The following EXD3 variants were observed in gnomAD, a reference collection of about 807,000 sequenced individuals.
EXD3 encodes the protein exonuclease 3'-5' domain containing 3, also known as exonuclease mut-7 homolog.
EXD3 carries 92 observed loss-of-function variants against 98.0 expected under a neutral mutation model. The ratio of observed to expected loss-of-function variants is 0.94; its 90% CI spans 0.79 to 1.12. EXD3 has a LOEUF of 1.12. Ranked by LOEUF, EXD3 falls within the 50% of genes most tolerant of loss-of-function variation. EXD3 has a pLI of 0.00. For missense variants in EXD3, 1,222 were observed against 1,191.6 expected (o/e 1.03, Z -0.38); for synonymous variants, 569 against 526.0 (o/e 1.08, Z -1.12).
Position 137,337,888 on chromosome 9 carries a change from T to C in EXD3, c.1998+10183A>G, listed in dbSNP as rs185847869. On this transcript the variant is annotated intron_variant, in intron 17 of 21. Coordinates refer to ENST00000340951, the MANE Select transcript of EXD3 (RefSeq NM_017820.5). ...CTGCAAGCTCCACCTCCCGGGTTCA[T>C]GCCATTCTCCTGCCTCAGCCTCCCG... Among the ~76,000 whole-genome samples the C allele has an allele frequency of 7.3e-3, 1,108 of 151,810 alleles. 12 individuals are homozygous for C. Among genetic ancestry groups the C allele is most frequent in the African/African-American group, 0.024 (989 of 41,432 alleles).
Position 137,306,917 on chromosome 9 carries a change from C to A in EXD3, c.*33G>T, listed in dbSNP as rs372339289. On this transcript the variant is annotated 3_prime_UTR_variant, in exon 22 of 22. Transcript: ENST00000340951. The stretch of plus-strand genomic sequence containing the variant: ...AGTCCACGGCCATGGGCCCAGCAGT[C>A]GGGCACTTTCCATGTTTATTGTCTG... The A allele has an allele frequency of 6.2e-5, 95 of 1,530,002 alleles. No homozygotes were observed. The highest frequency in any genetic ancestry group is 7.7e-5 in the Non-Finnish European group (88 of 1,138,292). The allele number at this position is 1,530,002 out of a possible 1,614,324, so 94.8% of individuals were successfully genotyped here.
rs555595417 is a variant in EXD3 at position 137,376,141 on chromosome 9, G to A, written c.121-2542C>T. On this transcript the variant is annotated intron_variant, in intron 3 of 21. Transcript: ENST00000340951. ...GGGCAGATCACGAGGTCAGGAGATAGAGACCAGCCTGGCTAACACAGTGAA... is the reference window on the plus strand; with the variant it reads ...GGGCAGATCACGAGGTCAGGAGATAAAGACCAGCCTGGCTAACACAGTGAA... Among the ~76,000 whole-genome samples the A allele has an allele frequency of 6.6e-5, 10 of 151,958 alleles. No homozygotes were observed. The South Asian group carries it at 1.7e-3, about 25-fold the overall frequency.
rs1371151510 is a variant in EXD3, at chr9:137,324,145, TGTG to T, written c.1999-5_1999-3del. ...GATCCTCCCCTCCTGCCTGGCAACCTGTGTGGGAGGTGCGACCAGCACATAAAG... is the reference window on the plus strand; with the variant it reads ...GATCCTCCCCTCCTGCCTGGCAACCTTGGGAGGTGCGACCAGCACATAAAG... On this transcript the variant is annotated splice_polypyrimidine_tract_variant and splice_region_variant and intron_variant, in intron 17 of 21. Coordinates refer to ENST00000340951, the MANE Select transcript of EXD3 (RefSeq NM_017820.5). This position sits in a 1 kb window ranked among gnomAD's most constrained non-coding sequence, Gnocchi z 4.1. The T allele has an allele frequency of 1.3e-6, 2 of 1,575,788 alleles. No homozygotes were observed. Among genetic ancestry groups the T allele is most frequent in the Non-Finnish European group, 8.6e-7 (1 of 1,161,328 alleles).
At position 137,374,446 on chromosome 9, in the gene EXD3, G is replaced by T. The variant is rs573032274; in HGVS notation, c.121-847C>A. 2.5e-3 allele frequency: 1,331 copies of T among 531,084 alleles called. 3 individuals are homozygous for T. Among genetic ancestry groups the T allele is most frequent in the South Asian group, 7.8e-3 (95 of 12,208 alleles). The allele number at this position is 531,084 out of a possible 1,614,324, so 32.9% of individuals were successfully genotyped here. On this transcript the variant is annotated intron_variant, in intron 3 of 21. Transcript: ENST00000340951. Reference sequence around the variant, plus strand: ...GCCGCGCTGTTCTCGTCCCTGCGATGTGGATGGTGTGCTCTCCACGGGGCT... The same window carrying T: ...GCCGCGCTGTTCTCGTCCCTGCGATTTGGATGGTGTGCTCTCCACGGGGCT...
Position 137,419,962 on chromosome 9 carries a change from A to C in EXD3, c.-48+3152T>G, listed in dbSNP as rs1024004028. Reference sequence around the variant, plus strand: ...ATCACGAGGTCAGGAGATCGAGACCATCCTGGCTAATACGGTGAAACCCCA... The same window carrying C: ...ATCACGAGGTCAGGAGATCGAGACCCTCCTGGCTAATACGGTGAAACCCCA... On this transcript the variant is annotated intron_variant, in intron 1 of 21. Coordinates refer to ENST00000340951, the MANE Select transcript of EXD3 (RefSeq NM_017820.5). Among the ~76,000 whole-genome samples, 6 of 152,264 alleles carry C rather than the reference A, an allele frequency of 3.9e-5. No homozygotes were observed. In the East Asian group the frequency reaches 7.7e-4, roughly 20 times the overall value.
intron 17 of EXD3, among the ~76,000 whole-genome samples, chr9:137,331,359 T>TCTCACCCTCCCACA (rs1215126021): frequency 1.3e-5 from 2 of 151,748 alleles, no homozygotes; most frequent in Non-Finnish European, 2.9e-5. Flanking sequence ...AAGGATGCCC[T>TCTCACCCTCCCACA]CTCACCCTCC....
chr9:137,325,383 G>A, intron 17 of EXD3, among the ~76,000 whole-genome samples: 1 of 152,190 alleles, frequency 6.6e-6, no homozygotes. Context: ...GTGCGGAGGA[G>A]GACACGGGAC....
At chr9:137,391,519 G>A (rs1025628267) in intron 2 of EXD3, among the ~76,000 whole-genome samples, 1 of 152,132 alleles carries the variant, frequency 6.6e-6, no homozygotes, top group Non-Finnish European at 1.5e-5. Context: ...AACCCAGGCC[G>A]GCAGGCTTCC....
intron 8 of EXD3, among the ~76,000 whole-genome samples, chr9:137,355,728 A>AGGAGGAAGGAGGAAGGAGGAAGGAGAAAG (rs1312685212): frequency 1.5e-4 from 20 of 132,494 alleles, no homozygotes; most frequent in South Asian, 2.3e-4. Flanking sequence ...GGAAGGAGGA[A>AGGAGGAAGGAGGAAGGAGGAAGGAGAAAG]GGAGGACCTA....
intron 19 of EXD3, 54 bp downstream of exon 19, chr9:137,323,671 C>G (rs968413383): frequency 3.1e-6 from 5 of 1,591,372 alleles, no homozygotes; most frequent in Non-Finnish European, 3.4e-6. Context: ...TGGACACCCC[C>G]GTAGCTCCAG....
chr9:137,323,780 A>G lies in EXD3; in HGVS notation c.2129T>C (p.Val710Ala), dbSNP rs1832226116. ...SLKAQQQAKA[V>A]LKHFNVRVTH... ...GACACGCACGTTGAAATGCTTGAGCACAGCCTTGGCCTGCTGCTGGGCCTT... is the reference window on the plus strand; with the variant it reads ...GACACGCACGTTGAAATGCTTGAGCGCAGCCTTGGCCTGCTGCTGGGCCTT... The change falls in exon 19 of 22, where the codon GTG becomes GCG. Residue 710 changes from valine to alanine, a missense_variant. Coordinates refer to ENST00000340951, the MANE Select transcript of EXD3 (RefSeq NM_017820.5). 3.1e-6 allele frequency: 5 copies of G among 1,612,238 alleles called. No individual in the cohort carries two copies. The highest frequency in any genetic ancestry group is 1.7e-5 in the Admixed American group (1 of 59,992).
intron 19 of EXD3, among the ~76,000 whole-genome samples, chr9:137,313,689 T>C (rs1376464176): frequency 2.6e-5 from 4 of 151,284 alleles, no homozygotes; most frequent in Non-Finnish European, 1.5e-5. Flanking sequence ...CCTGCAGGAG[T>C]TGCCAACCTG....
intron 1 of EXD3, among the ~76,000 whole-genome samples, chr9:137,406,996 G>C (rs528140422): frequency 6.6e-6 from 1 of 152,080 alleles, no homozygotes; most frequent in Non-Finnish European, 1.5e-5. Context: ...TCCTGTGACC[G>C]GGAAGGCCCC....
chr9:137,315,392 C>G (rs118099574), intron 19 of EXD3, among the ~76,000 whole-genome samples: 2 of 152,222 alleles, frequency 1.3e-5, no homozygotes, highest in African/African-American at 4.8e-5. Flanking sequence ...CCGCCACCGC[C>G]GGAGAGACCA....
chr9:137,399,827 C>G (rs923994348), intron 1 of EXD3, among the ~76,000 whole-genome samples: 14 of 152,048 alleles, frequency 9.2e-5, no homozygotes, highest in Non-Finnish European at 1.2e-4. Flanking sequence ...CACCTGAGGT[C>G]AGGAGTTCAT....
At chr9:137,398,602 G>GACACACAGGCAACCGCGTCCCCAAT (rs1837329057) in intron 1 of EXD3, among the ~76,000 whole-genome samples, 1 of 149,476 alleles carries the variant, frequency 6.7e-6, no homozygotes. Flanking sequence ...GCGTCCCCAA[G>GACACACAGGCAACCGCGTCCCCAAT]ACACACTGGC....
In EXD3 at chr9:137,324,037, G is replaced by A; in HGVS notation, c.2052+53C>T. 1.3e-6 allele frequency: 2 copies of A among 1,555,094 alleles called. No homozygotes were observed. The highest frequency in any genetic ancestry group is 1.7e-6 in the Non-Finnish European group (2 of 1,148,250). ...GAGGTGGGGGTGGCCGAGGGGCTGG[G>A]GGCTTGGGAAGATGGGGCTCAGGCC... On this transcript the variant is annotated intron_variant, in intron 18 of 21. Transcript: ENST00000340951. The surrounding 1 kb of genome is among the most constrained non-coding windows in gnomAD (Gnocchi z 4.1).
chr9:137,390,725 G>A (rs778585386), intron 2 of EXD3, among the ~76,000 whole-genome samples: 1 of 152,172 alleles, frequency 6.6e-6, no homozygotes, highest in Admixed American at 6.5e-5. Flanking sequence ...TCACCCTCAT[G>A]TCACAGCCCG....
intron 2 of EXD3, among the ~76,000 whole-genome samples, chr9:137,390,896 G>T (rs1421422683): frequency 9.9e-5 from 15 of 152,264 alleles, no homozygotes; most frequent in Admixed American, 9.8e-4. Context: ...GGACGCTGAG[G>T]GCAGGGGGTG....
Sources: gnomAD v4.1 joint callset for allele counts (sites outside exome capture counted in the v4.1 genomes callset) on GRCh38, gnomAD v4.1.1 for gene constraint, Gnocchi (gnomAD v3.1) non-coding constraint, MANE v1.5 for transcripts, NCBI Gene and HGNC (gene_info 2026-07-23, HGNC 2026-07-21) for gene names.